Variants in MDGA2 observed in about 807,000 individuals in gnomAD.
MDGA2 encodes the protein MAM domain-containing glycosylphosphatidylinositol anchor protein 2.
A neutral mutation model predicts 117.8 loss-of-function variants in MDGA2; 40 were observed. The ratio of observed to expected loss-of-function variants is 0.34; its 90% confidence interval spans 0.26 to 0.44. MDGA2 has a LOEUF of 0.44. Among genes scored for constraint, MDGA2 ranks in the 20% least tolerant of loss-of-function variants. The pLI, the probability that MDGA2 is intolerant of heterozygous loss-of-function variation, is 1.00. For synonymous variants in MDGA2, 452 were observed against 439.0 expected (o/e 1.03, Z -0.37); for missense variants, 1,123 against 1,250.6 (o/e 0.90, Z 1.54).
At chr14:47,141,683 T>C (rs536874362) in intron 4 of MDGA2, among the ~76,000 whole-genome samples, 1 of 151,736 alleles carries the variant, frequency 6.6e-6, no homozygotes, top group Admixed American at 6.6e-5. Context: ...CCTCATAGAA[T>C]TAGGGAGCAC....
At chr14:47,101,228 G>T (rs943426551) in intron 5 of MDGA2, among the ~76,000 whole-genome samples, 1 of 151,930 alleles carries the variant, frequency 6.6e-6, no homozygotes, top group South Asian at 2.1e-4. Flanking sequence ...AGGGAAAGGG[G>T]AACAAAAAGT....
intron 6 of MDGA2, among the ~76,000 whole-genome samples, chr14:47,078,276 G>GA (rs1261741721): frequency 2.6e-5 from 4 of 152,042 alleles, no homozygotes; most frequent in African/African-American, 9.7e-5. Flanking sequence ...TAGAATAGTT[G>GA]AAAATATAGT....
chr14:46,951,663 A>C (rs1456764220), intron 9 of MDGA2, among the ~76,000 whole-genome samples: 1 of 151,768 alleles, frequency 6.6e-6, no homozygotes, highest in Non-Finnish European at 1.5e-5. Flanking sequence ...CTATCATACA[A>C]CACAAAGAAA....
chr14:47,598,034 A>C (rs1050644129), intron 1 of MDGA2, among the ~76,000 whole-genome samples: 1 of 152,194 alleles, frequency 6.6e-6, no homozygotes, highest in Non-Finnish European at 1.5e-5. Flanking sequence ...ACATGCTGGA[A>C]AAACAAGCTG....
At chr14:47,297,087 G>T (rs1436938289) in intron 2 of MDGA2, among the ~76,000 whole-genome samples, 1 of 152,124 alleles carries the variant, frequency 6.6e-6, no homozygotes, top group Non-Finnish European at 1.5e-5. Flanking sequence ...AGAACTACCA[G>T]CCTTGACCCA....
At chr14:47,595,547 C>CAAAAAAAAAAAAAAAAAAA (rs777715271) in intron 1 of MDGA2, among the ~76,000 whole-genome samples, 1 of 69,054 alleles carries the variant, frequency 1.4e-5, no homozygotes, top group Non-Finnish European at 2.5e-5. Context: ...AACCAAAAAA[C>CAAAAAAAAAAAAAAAAAAA]AAAAAAAAAC....
intron 7 of MDGA2, among the ~76,000 whole-genome samples, chr14:47,048,818 A>G (rs1030745859): frequency 6.6e-6 from 1 of 152,124 alleles, no homozygotes; most frequent in African/African-American, 2.4e-5. Flanking sequence ...TTATAGCTGC[A>G]TGAAGGCCTT....
In MDGA2 at chr14:46,895,244, G is replaced by A. The variant is rs141340502; in HGVS notation, c.2239-13023C>T. Among the ~76,000 whole-genome samples the A allele has an allele frequency of 1.8e-4, 27 of 152,204 alleles. No homozygotes were observed. The East Asian group carries it at 5.0e-3, about 28-fold the overall frequency. On this transcript the variant is annotated intron_variant, in intron 10 of 16. Transcript: ENST00000399232. ...CAGTTACCCCCATACTGCTGTTCTCGTGATAGTGAGTGAGTTCTCACAAGA... is the reference window on the plus strand; with the variant it reads ...CAGTTACCCCCATACTGCTGTTCTCATGATAGTGAGTGAGTTCTCACAAGA...
chr14:47,221,233 G>A (rs1318410591), intron 2 of MDGA2, among the ~76,000 whole-genome samples: 1 of 152,164 alleles, frequency 6.6e-6, no homozygotes, highest in Non-Finnish European at 1.5e-5. Context: ...GGAAGGAAAG[G>A]AAAGGAGAGA....
chr14:47,631,449 A>G (rs1897248001), intron 1 of MDGA2, among the ~76,000 whole-genome samples: 1 of 152,184 alleles, frequency 6.6e-6, no homozygotes, highest in African/African-American at 2.4e-5. Context: ...TTTTAAAACA[A>G]AAACGAAAAG....
rs1483294535 is a variant in MDGA2, at chr14:46,964,954, C to G, written c.1820-7311G>C. On this transcript the variant is annotated intron_variant, in intron 8 of 16. Coordinates refer to ENST00000399232, the MANE Select transcript of MDGA2 (RefSeq NM_001113498.3). The stretch of plus-strand genomic sequence containing the variant: ...TTTTTTTTTTTTTGAGACAGAGTCT[C>G]GCTCTGTCGTCCAGGCTGGAGTGCA... Among the ~76,000 whole-genome samples, 5 of 92,506 alleles carry G rather than the reference C, an allele frequency of 5.4e-5. No individual in the cohort carries two copies. In the South Asian group the frequency reaches 1.8e-3, roughly 33 times the overall value. 60.7% of individuals were successfully genotyped at this position (92,506 alleles called of 152,430 possible).
intron 3 of MDGA2, among the ~76,000 whole-genome samples, chr14:47,180,569 G>GA (rs1884659967): frequency 6.6e-6 from 1 of 152,048 alleles, no homozygotes; most frequent in Non-Finnish European, 1.5e-5. Context: ...GAAAGCACAC[G>GA]AAAAAAAGCT....
In MDGA2 at chr14:47,289,380, C is replaced by T. The variant is rs547843232; in HGVS notation, c.420+12031G>A. ...TTAAGGCATATACATAATACAGACT[C>T]ATATACTAGATCAATTAATTTGATT... On this transcript the variant is annotated intron_variant, in intron 2 of 16. Transcript: ENST00000399232. Among the ~76,000 whole-genome samples the T allele has an allele frequency of 9.3e-5, 14 of 150,206 alleles. No individual in the cohort carries two copies. In the East Asian group the frequency reaches 2.1e-3, roughly 23 times the overall value.
chr14:47,333,755 C>T (rs1286253346), intron 1 of MDGA2, among the ~76,000 whole-genome samples: 2 of 151,706 alleles, frequency 1.3e-5, no homozygotes, highest in Non-Finnish European at 2.9e-5. Context: ...GATAATTTCA[C>T]AGATAAAAAT....
At chr14:47,395,551 C>T (rs1891989954) in intron 1 of MDGA2, among the ~76,000 whole-genome samples, 1 of 151,770 alleles carries the variant, frequency 6.6e-6, no homozygotes, top group Non-Finnish European at 1.5e-5. Flanking sequence ...AAGTAAATAC[C>T]TAGTGATTGG....
intron 1 of MDGA2, among the ~76,000 whole-genome samples, chr14:47,566,619 C>A (rs932221492): frequency 6.6e-6 from 1 of 152,120 alleles, no homozygotes; most frequent in East Asian, 1.9e-4. Flanking sequence ...GTTGGGGAGA[C>A]TTCTCCTGCC....
intron 7 of MDGA2, among the ~76,000 whole-genome samples, chr14:47,041,775 C>T (rs1201488589): frequency 6.6e-6 from 1 of 151,980 alleles, no homozygotes; most frequent in South Asian, 2.1e-4. Context: ...AAAATTTTAT[C>T]TTTATTCTTT....
intron 1 of MDGA2, among the ~76,000 whole-genome samples, chr14:47,321,374 G>A (rs1006998066): frequency 8.5e-5 from 13 of 152,138 alleles, no homozygotes; most frequent in African/African-American, 3.1e-4. Context: ...CAAAAAAATA[G>A]TTCCTGCAGA....
intron 6 of MDGA2, among the ~76,000 whole-genome samples, chr14:47,074,812 T>C (rs1444174840): frequency 1.3e-5 from 2 of 152,166 alleles, no homozygotes; most frequent in African/African-American, 2.4e-5. Flanking sequence ...TTTACATCCA[T>C]AGTCTGTATC....
Sources: allele counts gnomAD v4.1 joint callset (sites outside exome capture counted in the v4.1 genomes callset), GRCh38; gene constraint gnomAD v4.1.1; transcripts MANE v1.5; gene names NCBI Gene and HGNC (gene_info 2026-07-23, HGNC 2026-07-21).